Variants in GNAS observed in about 807,000 individuals in gnomAD.
GNAS encodes the protein protein ALEX.
In GNAS, 8 loss-of-function variants were observed where a neutral mutation model predicts 54.5. The observed-to-expected ratio is 0.15, with a 90% CI of 0.09 to 0.26. GNAS has a LOEUF of 0.26. GNAS is among the 10% of genes least tolerant of loss of function. GNAS has a pLI of 1.00. For synonymous variants in GNAS, 204 were observed against 191.4 expected (o/e 1.07, Z -0.54); for missense variants, 170 against 529.8 (o/e 0.32, Z 6.67).
At chr20:58,871,640 A>C (rs974315266) in intron 1 of GNAS, among the ~76,000 whole-genome samples, 2 of 150,560 alleles carry the variant, frequency 1.3e-5, no homozygotes, top group Non-Finnish European at 3.0e-5. Flanking sequence ...CAAACAACAA[A>C]AAAAAAACCA....
At chr20:58,889,000 G>C (rs2088820836), upstream of GNAS, 1 of 936,748 alleles carries the variant, frequency 1.1e-6, no homozygotes, top group Non-Finnish European at 1.3e-6. Flanking sequence ...CGCCCGCGCG[G>C]TCCCGGCACC....
In GNAS at chr20:58,891,470, ATCAGCCCCCTCGGCCTCGGC is replaced by A. The variant is rs1207319726; in HGVS notation, c.-254_-235del. The A allele has an allele frequency of 2.3e-6, 2 of 883,844 alleles. No individual in the cohort carries two copies. Among genetic ancestry groups the A allele is most frequent in the Non-Finnish European group, 2.7e-6 (2 of 743,100 alleles). 54.8% of individuals were successfully genotyped at this position (883,844 alleles called of 1,614,324 possible). On this transcript the variant is annotated 5_prime_UTR_variant, in exon 1 of 13. Coordinates refer to ENST00000371085, the MANE Select transcript of GNAS (RefSeq NM_000516.7). ...GGTCCGCCTCGGCCCGGCGGCGGCC[ATCAGCCCCCTCGGCCTCGGC>A]TCGAGGGGCGGGGAGCTGCGCGCGC...
At chr20:58,896,662 T>C (rs551138399) in intron 2 of GNAS, among the ~76,000 whole-genome samples, 95 of 150,234 alleles carry the variant, frequency 6.3e-4, no homozygotes, top group Non-Finnish European at 1.6e-4. Flanking sequence ...ACAAAAAAAC[T>C]AAGTTGACCA....
intron 1 of GNAS, chr20:58,895,196 T>C (rs1892506279): frequency 3.7e-6 from 1 of 269,204 alleles, no homozygotes; most frequent in South Asian, 3.9e-5. Flanking sequence ...TGACAACAAA[T>C]TATGTGTCTA....
Position 58,909,491 on chromosome 20 carries a change from G to C in GNAS, c.660-30G>C, listed in dbSNP as rs1027704998. ...TCTTGACATTCACCCCAGTCCCTCT[G>C]GAATAACCAGCTGTCCTCCTCCCCA... On this transcript the variant is annotated intron_variant, in intron 8 of 12. Coordinates refer to ENST00000371085, the MANE Select transcript of GNAS (RefSeq NM_000516.7). This position sits in a 1 kb window ranked among gnomAD's most constrained non-coding sequence, Gnocchi z 7.3. 2 of 1,613,634 alleles carry C rather than the reference G, an allele frequency of 1.2e-6. No individual in the cohort carries two copies. Among genetic ancestry groups the C allele is most frequent in the Non-Finnish European group, 1.7e-6 (2 of 1,179,572 alleles).
intron 2 of GNAS, chr20:58,898,034 A>G (rs1392628592): frequency 6.6e-6 from 1 of 152,202 alleles, no homozygotes; most frequent in Non-Finnish European, 1.5e-5. Flanking sequence ...GTAAGATAAT[A>G]CTGATTTGAC....
At chr20:58,903,896 C>G in intron 5 of GNAS, 105 bp downstream of exon 5, 1 of 1,203,738 alleles carries the variant, frequency 8.3e-7, no homozygotes, top group Non-Finnish European at 1.2e-6. Flanking sequence ...AGCATCCAAA[C>G]CACACTTCAG....
At chr20:58,855,142 C>T (rs763133107) in intron 1 of GNAS, 1 of 1,613,448 alleles carries the variant, frequency 6.2e-7, no homozygotes, top group Non-Finnish European at 8.5e-7. Context: ...TCTGAGAGTC[C>T]CCAGCCCAAA....
At chr20:58,904,941 A>AT (rs961477883) in intron 5 of GNAS, among the ~76,000 whole-genome samples, 176 of 152,040 alleles carry the variant, frequency 1.2e-3, no homozygotes, top group African/African-American at 3.9e-3. Context: ...CCCCATCATC[A>AT]TTTTTTTTGG....
chr20:58,893,095 C>CTTT (rs2089665662), intron 1 of GNAS, among the ~76,000 whole-genome samples: 8 of 129,318 alleles, frequency 6.2e-5, no homozygotes, highest in Admixed American at 1.5e-4. Context: ...TTTTTGTCCT[C>CTTT]CTCAAGGTGG....
Position 58,877,656 on chromosome 20 carries a change from G to A in GNAS, c.44-17956G>A, listed in dbSNP as rs145383399. Among the ~76,000 whole-genome samples the A allele has an allele frequency of 5.3e-5, 8 of 152,332 alleles. No individual in the cohort carries two copies. In the East Asian group the frequency reaches 5.8e-4, roughly 11 times the overall value. On this transcript the variant is annotated intron_variant, in intron 1 of 12. Coordinates refer to the GNAS transcript ENST00000306090. ...ATGCTCTGATGGGCAGAAGCCAGCC[G>A]TGTTTTAGGAATGGGGAAAGAGTTG...
chr20:58,889,837 C>T (rs1221939579), upstream of GNAS, among the ~76,000 whole-genome samples: 1 of 151,450 alleles, frequency 6.6e-6, no homozygotes. Flanking sequence ...AGCAGGGAGC[C>T]CGGGCCAGGC....
At chr20:58,854,499 G>A (rs1444411906) in intron 1 of GNAS, 3 of 1,577,892 alleles carry the variant, frequency 1.9e-6, no homozygotes, top group African/African-American at 1.4e-5. Context: ...AGAAGATCCC[G>A]ACTCCGGGAC....
At chr20:58,888,215 C>T (rs1449973628), upstream of GNAS, among the ~76,000 whole-genome samples, 1 of 152,124 alleles carries the variant, frequency 6.6e-6, no homozygotes, top group Non-Finnish European at 1.5e-5. Context: ...CTTTCCGGGA[C>T]GTAGGCCTGT....
chr20:58,891,136 G>A (rs1037663181), upstream of GNAS, among the ~76,000 whole-genome samples: 2 of 148,622 alleles, frequency 1.3e-5, no homozygotes, highest in Admixed American at 1.3e-4. Context: ...CGGGGGGTGG[G>A]GGGCGTCTCC....
rs2086865062 is a variant in GNAS, at chr20:58,863,089, C to T, written c.43+22203C>T. 6.6e-6 allele frequency among the ~76,000 whole-genome samples: 1 copy of T among 152,022 alleles called. No homozygotes were observed. The highest frequency in any genetic ancestry group is 2.1e-4 in the South Asian group (1 of 4,820). On this transcript the variant is annotated intron_variant, in intron 1 of 12. Transcript: ENST00000306090. The surrounding 1 kb of genome is among the most constrained non-coding windows in gnomAD (Gnocchi z 4.1). ...TCCAAGAAAGAGGTAGGGAACAACA[C>T]AACAAAACAATGTTTGACTTTTCAT...
chr20:58,852,921 T>TC, intron 1 of GNAS: 2 of 776,922 alleles, frequency 2.6e-6, no homozygotes, highest in Non-Finnish European at 3.3e-6. Context: ...ATCGGCACGC[T>TC]CGTCAGATCC....
chr20:58,888,776 C>T (rs1358951946), upstream of GNAS: 1 of 151,788 alleles, frequency 6.6e-6, no homozygotes, highest in African/African-American at 2.4e-5. Context: ...ACACCTACCT[C>T]GGCGGGCGCG....
intron 1 of GNAS, among the ~76,000 whole-genome samples, chr20:58,862,753 AT>A (rs1411547320): frequency 1.3e-5 from 2 of 151,748 alleles, no homozygotes; most frequent in Non-Finnish European, 2.9e-5. Context: ...CACATTTATA[AT>A]TGTGTGAAGT....
Sources: gnomAD v4.1 joint callset for allele counts (sites outside exome capture counted in the v4.1 genomes callset) on GRCh38, gnomAD v4.1.1 for gene constraint, Gnocchi (gnomAD v3.1) non-coding constraint, MANE v1.5 for transcripts, NCBI Gene and HGNC (gene_info 2026-07-23, HGNC 2026-07-21) for gene names.